Variants in RYR3 observed in about 807,000 individuals in gnomAD.
RYR3 encodes brain ryanodine receptor-calcium release channel.
RYR3 carries 207 observed loss-of-function variants against 584.3 expected under a neutral mutation model. That is an observed-to-expected ratio of 0.35 (90% confidence interval 0.32 to 0.40). RYR3 has a LOEUF of 0.40. Ranked by LOEUF, RYR3 falls within the 10% of genes least tolerant of loss-of-function variation. The pLI is 1.00. For synonymous variants in RYR3, 2,416 were observed against 2,248.5 expected, an observed-to-expected ratio of 1.07 and a Z score of -2.11; for missense variants, 5,616 against 6,089.2, an observed-to-expected ratio of 0.92 and a Z score of 2.59.
At chr15:33,724,550 G>A (rs966820040) in intron 45 of RYR3, among the ~76,000 whole-genome samples, 2 of 152,184 alleles carry the variant, frequency 1.3e-5, no homozygotes, top group East Asian at 1.9e-4. Context: ...TGACTGTGGC[G>A]TTAGGCCCCA....
At chr15:33,835,182 C>A in intron 87 of RYR3, 110 bp downstream of exon 87, 1 of 813,172 alleles carries the variant, frequency 1.2e-6, no homozygotes, top group Non-Finnish European at 1.9e-6. Context: ...CTGGACAAGC[C>A]ATGCATATTA....
intron 19 of RYR3, among the ~76,000 whole-genome samples, chr15:33,615,168 A>T (rs1266751417): frequency 1.3e-5 from 2 of 152,182 alleles, no homozygotes; most frequent in African/African-American, 4.8e-5. Flanking sequence ...ACATAGAATC[A>T]TACTAGTGTC....
At chr15:33,858,885 C>T (rs1294881971) in intron 99 of RYR3, 1 of 152,456 alleles carries the variant, frequency 6.6e-6, no homozygotes, top group Non-Finnish European at 1.5e-5. Flanking sequence ...TGACGAAAAA[C>T]TCTCCATGTG....
chr15:33,722,792 C>A lies in RYR3; in HGVS notation c.6697C>A (p.Arg2233=), dbSNP rs200619009. 2.3e-5 allele frequency: 37 copies of A among 1,612,994 alleles called. No homozygotes were observed. In the African/African-American group the frequency reaches 4.1e-4, roughly 18 times the overall value. ...RRPECFGPAL[R]GEGGNGLLAA... ...CCCAGAGTGCTTCGGCCCGGCCCTG[C>A]GGGGTGAGGGGGGAAACGGGCTCTT... The change falls in exon 44 of 104, where the codon CGG becomes AGG. Residue 2233 remains arginine (R), a synonymous_variant. Transcript: ENST00000634891.
Position 33,748,201 on chromosome 15 carries a change from GA to G in RYR3, c.8079del (p.Ala2694LeufsTer79), listed in dbSNP as rs2070935281. ...GWTVERTKEGEALVQQRENEK... is the reference protein window; with the variant it reads ...GWTVERTKEGXALVQQRENEK... ...GACTGTGGAGAGGACCAAAGAGGGA[GA>G]AGCTTTGGTTCAACAGCGGGAAAAT... is the stretch of plus-strand genomic sequence containing the variant. On this transcript the variant is annotated frameshift_variant, in exon 54 of 104. Coordinates refer to ENST00000634891, the MANE Select transcript of RYR3 (RefSeq NM_001036.6). LOFTEE classifies it high-confidence loss of function. 1 of 1,613,748 alleles carries G rather than the reference GA, an allele frequency of 6.2e-7. No homozygotes were observed. Among genetic ancestry groups the G allele is most frequent in the African/African-American group, 1.3e-5 (1 of 74,930 alleles).
At chr15:33,530,006 C>G (rs1241393700) in intron 3 of RYR3, among the ~76,000 whole-genome samples, 1 of 152,134 alleles carries the variant, frequency 6.6e-6, no homozygotes, top group East Asian at 1.9e-4. Flanking sequence ...AGAGAAGATA[C>G]CTAGATGGTC....
In RYR3 at chr15:33,458,326, C is replaced by G. The variant is rs139818195; in HGVS notation, c.52-15093C>G. Among the ~76,000 whole-genome samples, 79 of 152,272 alleles carry G rather than the reference C, an allele frequency of 5.2e-4. 1 individual carries two copies. The highest frequency in any genetic ancestry group is 1.8e-3 in the African/African-American group (74 of 41,542). ...TGGAAGAAGGGCAAATTCTCCCACT[C>G]TCTGTGTCTTTGAGCTGGGACGTCT... On this transcript the variant is annotated intron_variant, in intron 1 of 103. Transcript: ENST00000634891.
In RYR3 at chr15:33,684,120, C is replaced by T. The variant is rs142285917; in HGVS notation, c.5861-12098C>T. ...CTTAAATGTCCCTGTCTGACAGCTCCGAAGAGAGCAGTGGTTCTCCCAGCA... is the reference window on the plus strand; with the variant it reads ...CTTAAATGTCCCTGTCTGACAGCTCTGAAGAGAGCAGTGGTTCTCCCAGCA... On this transcript the variant is annotated intron_variant, in intron 38 of 103. Coordinates refer to ENST00000634891, the MANE Select transcript of RYR3 (RefSeq NM_001036.6). Among the ~76,000 whole-genome samples the T allele has an allele frequency of 7.0e-3, 1,059 of 152,366 alleles. 11 individuals carry two copies. The highest frequency in any genetic ancestry group is 0.024 in the African/African-American group (1,011 of 41,584).
intron 1 of RYR3, among the ~76,000 whole-genome samples, chr15:33,434,607 C>T (rs952822633): frequency 2.0e-5 from 3 of 151,986 alleles, no homozygotes; most frequent in Non-Finnish European, 4.4e-5. Flanking sequence ...ATATGTAAGG[C>T]ACAAACAATA....
rs571518638 is a variant in RYR3, at chr15:33,725,974, C to CCACCG, written c.6913-411_6913-410insACCGC. Among the ~76,000 whole-genome samples the CCACCG allele has an allele frequency of 3.7e-4, 14 of 37,650 alleles. 2 individuals are homozygous for CCACCG. The highest frequency in any genetic ancestry group is 1.2e-3 in the Admixed American group (3 of 2,510). 24.7% of individuals were successfully genotyped at this position (37,650 alleles called of 152,430 possible). On this transcript the variant is annotated intron_variant, in intron 45 of 103. Transcript: ENST00000634891. ...GACAGAGCAAGACTCCATCCCCCCC[C>CCACCG]CCAAAAAAAAAAAAAAAAAAAAACA...
At chr15:33,352,617 C>T (rs1423670277) in intron 1 of RYR3, among the ~76,000 whole-genome samples, 3 of 152,160 alleles carry the variant, frequency 2.0e-5, no homozygotes, top group Non-Finnish European at 2.9e-5. Flanking sequence ...TTTAAAAAGA[C>T]AGTGGTATTT....
At chr15:33,798,509 TCAG>T (rs1268931135) in intron 67 of RYR3, among the ~76,000 whole-genome samples, 2 of 152,198 alleles carry the variant, frequency 1.3e-5, no homozygotes, top group East Asian at 1.9e-4. Flanking sequence ...AAGTAGGAAA[TCAG>T]CAGGAGAAAG....
At chr15:33,320,364 A>G (rs1401305318) in intron 1 of RYR3, among the ~76,000 whole-genome samples, 3 of 152,236 alleles carry the variant, frequency 2.0e-5, no homozygotes, top group Non-Finnish European at 4.4e-5. Flanking sequence ...AAATCATCAT[A>G]TGGATGTAGA....
chr15:33,325,623 C>G (rs931050253), intron 1 of RYR3, among the ~76,000 whole-genome samples: 1 of 151,444 alleles, frequency 6.6e-6, no homozygotes, highest in African/African-American at 2.4e-5. Context: ...CCTTTCTTTC[C>G]TTTTCTTTTC....
At chr15:33,620,672 A>T (rs2060682203) in intron 19 of RYR3, among the ~76,000 whole-genome samples, 1 of 152,116 alleles carries the variant, frequency 6.6e-6, no homozygotes, top group Admixed American at 6.5e-5. Flanking sequence ...ATTACCTTTG[A>T]TCTCATCAAT....
At chr15:33,362,547 C>T (rs1249267731) in intron 1 of RYR3, among the ~76,000 whole-genome samples, 1 of 152,148 alleles carries the variant, frequency 6.6e-6, no homozygotes, top group African/African-American at 2.4e-5. Context: ...TGTTCAAGTG[C>T]TTTTATTGGT....
intron 1 of RYR3, among the ~76,000 whole-genome samples, chr15:33,392,075 GCTTA>G (rs900834515): frequency 4.0e-5 from 6 of 151,890 alleles, no homozygotes; most frequent in Admixed American, 3.9e-4. Context: ...TCAATTAGAT[GCTTA>G]CTTGCTTGAT....
Position 33,484,292 on chromosome 15 carries a change from A to G in RYR3, c.171+10754A>G, listed in dbSNP as rs201186289. Among the ~76,000 whole-genome samples the G allele has an allele frequency of 1.0e-4, 5 of 48,576 alleles. No homozygotes were observed. In the East Asian group the frequency reaches 3.3e-3, roughly 32 times the overall value. The allele number at this position is 48,576 out of a possible 152,430, so 31.9% of individuals were successfully genotyped here. ...ACAAGCATGTTTCTAGGAAGAGAAG[A>G]AAAGGGCCCTAGAAAAGGAAAGAGA... On this transcript the variant is annotated intron_variant, in intron 2 of 103. Coordinates refer to ENST00000634891, the MANE Select transcript of RYR3 (RefSeq NM_001036.6).
In RYR3 at chr15:33,539,455, G is replaced by C; in HGVS notation, c.539G>C (p.Arg180Thr). The C allele has an allele frequency of 6.3e-7, 1 of 1,584,180 alleles. No individual in the cohort carries two copies. Among genetic ancestry groups the C allele is most frequent in the East Asian group, 2.3e-5 (1 of 44,060 alleles). ...ATCCTCGTCAGCGTGTCCTCTGAAA[G>C]ATACCTTGTAAGTACCTCATAATAT... Reference protein sequence around the residue: ...DLILVSVSSERYLHLSVSNGN... With the variant: ...DLILVSVSSETYLHLSVSNGN... Residue 180 changes from arginine to threonine, a missense_variant, in exon 6 of 104, where the codon AGA becomes ACA. Transcript: ENST00000634891.
Sources: gnomAD v4.1 joint callset for allele counts (sites outside exome capture counted in the v4.1 genomes callset) on GRCh38, gnomAD v4.1.1 for gene constraint, MANE v1.5 for transcripts, NCBI Gene and HGNC (gene_info 2026-07-23, HGNC 2026-07-21) for gene names.